The following CLIP1 variants were observed in gnomAD, a reference collection of about 807,000 sequenced individuals.
CLIP1 encodes CAP-Gly domain-containing linker protein 1.
CLIP1 carries 66 observed loss-of-function variants against 161.6 expected under a neutral mutation model. That is an observed-to-expected ratio of 0.41 (90% CI 0.33 to 0.50). CLIP1 has a LOEUF of 0.50. Ranked by LOEUF, CLIP1 falls within the 20% of genes least tolerant of loss-of-function variation. The pLI is 0.27. For synonymous variants in CLIP1, 598 were observed against 626.2 expected (o/e 0.96, Z 0.67); for missense variants, 1,376 against 1,702.0 (o/e 0.81, Z 3.37).
At chr12:122,294,926 C>A (rs879628824) in intron 20 of CLIP1, among the ~76,000 whole-genome samples, 2 of 151,624 alleles carry the variant, frequency 1.3e-5, no homozygotes, top group Admixed American at 6.6e-5. Context: ...TGGTGGCATG[C>A]ACCTCTATAA....
rs764059907 is a variant in CLIP1 at position 122,332,966 on chromosome 12, CTT to C, written c.2867+19_2867+20del. The C allele has an allele frequency of 2.2e-5, 36 of 1,606,946 alleles. No homozygotes were observed. In the Admixed American group the frequency reaches 5.1e-4, roughly 23 times the overall value. Reference sequence around the variant, plus strand: ...CAGAGCCTAACCTAAGGTCAGCACTCTTTTCAACAGTCACATATACCTTTCTT... The same window carrying C: ...CAGAGCCTAACCTAAGGTCAGCACTCTTCAACAGTCACATATACCTTTCTT... On this transcript the variant is annotated intron_variant, in intron 15 of 25. Coordinates refer to ENST00000620786, the MANE Select transcript of CLIP1 (RefSeq NM_001247997.2).
intron 10 of CLIP1, chr12:122,343,489 A>C (rs185779461): frequency 6.8e-4 from 103 of 152,290 alleles, no homozygotes; most frequent in African/African-American, 2.4e-3. Flanking sequence ...GCAATAATAC[A>C]CAAGAATCTT....
chr12:122,390,462 C>T (rs900654919), intron 1 of CLIP1, among the ~76,000 whole-genome samples: 1 of 151,284 alleles, frequency 6.6e-6, no homozygotes, highest in East Asian at 1.9e-4. Flanking sequence ...CAGGTATGCG[C>T]CACCACGCCC....
At chr12:122,329,400 G>C (rs1020762334) in intron 15 of CLIP1, among the ~76,000 whole-genome samples, 2 of 151,988 alleles carry the variant, frequency 1.3e-5, no homozygotes, top group East Asian at 3.9e-4. Context: ...AGGCCGATGG[G>C]GGGGCGGATC....
At chr12:122,299,645 G>A (rs144176052) in intron 20 of CLIP1, among the ~76,000 whole-genome samples, 2,659 of 88,344 alleles carry the variant, frequency 0.03, 83 homozygotes, top group African/African-American at 0.14. Flanking sequence ...TGCCGGGCGC[G>A]GTGGCTCATG....
At chr12:122,347,311 G>A in intron 10 of CLIP1, 64 bp downstream of exon 10, 1 of 1,205,868 alleles carries the variant, frequency 8.3e-7, no homozygotes, top group Admixed American at 1.7e-5. Flanking sequence ...TATAAAGCAT[G>A]TCACCTGAGG....
chr12:122,399,847 A>G (rs1025584912), intron 1 of CLIP1: 1 of 152,198 alleles, frequency 6.6e-6, no homozygotes, highest in Non-Finnish European at 1.5e-5. Context: ...ATGTCCATGA[A>G]CTTAATAACA....
intron 20 of CLIP1, among the ~76,000 whole-genome samples, chr12:122,298,292 T>C (rs1950549638): frequency 6.6e-6 from 1 of 152,176 alleles, no homozygotes; most frequent in Non-Finnish European, 1.5e-5. Flanking sequence ...GATATGAATA[T>C]GTACATGAAT....
At position 122,397,492 on chromosome 12, in the gene CLIP1, G is replaced by A. The variant is rs139865997; in HGVS notation, c.-106-16934C>T. On this transcript the variant is annotated intron_variant, in intron 1 of 25. Coordinates refer to ENST00000620786, the MANE Select transcript of CLIP1 (RefSeq NM_001247997.2). ...GTGCACGCCTGTAATCTCAGAGGTT[G>A]CAGTGAGCCAAGATCACACCACTGC... 8.2e-4 allele frequency among the ~76,000 whole-genome samples: 111 copies of A among 134,792 alleles called. 1 individual carries two copies. The highest frequency in any genetic ancestry group is 4.5e-3 in the Middle Eastern group (1 of 224). The allele number at this position is 134,792 out of a possible 152,430, so 88.4% of individuals were successfully genotyped here. A position where few individuals can be genotyped will look rare whatever the true frequency, so the allele number is the denominator to read the frequency against.
intron 3 of CLIP1, among the ~76,000 whole-genome samples, chr12:122,376,420 G>T (rs1193766153): frequency 1.3e-5 from 2 of 152,072 alleles, no homozygotes; most frequent in African/African-American, 4.8e-5. Flanking sequence ...GTCATGTGGA[G>T]ACTGGAGTTT....
At chr12:122,365,182 A>G in intron 3 of CLIP1, 1 of 438,480 alleles carries the variant, frequency 2.3e-6, no homozygotes, top group Non-Finnish European at 4.0e-6. Flanking sequence ...ACATGTATAC[A>G]TATGTAACTA....
intron 5 of CLIP1, among the ~76,000 whole-genome samples, chr12:122,356,628 CTCTCCCTCTCCCCACGG>C (rs1411441165): frequency 1.1e-4 from 17 of 151,516 alleles, no homozygotes; most frequent in Non-Finnish European, 1.6e-4. Flanking sequence ...CCCTCTCTCC[CTCTCCCTCTCCCCACGG>C]TCTCCCTCTC....
intron 20 of CLIP1, among the ~76,000 whole-genome samples, chr12:122,300,085 C>T (rs1414118886): frequency 6.6e-6 from 1 of 152,150 alleles, no homozygotes; most frequent in African/African-American, 2.4e-5. Context: ...TAGCGAGACC[C>T]TTCTCTACCA....
chr12:122,349,089 G>T (rs1952892872), intron 9 of CLIP1, among the ~76,000 whole-genome samples: 2 of 152,054 alleles, frequency 1.3e-5, no homozygotes, highest in African/African-American at 4.8e-5. Flanking sequence ...TAATCCCCTT[G>T]GTCTGTATGT....
intron 20 of CLIP1, among the ~76,000 whole-genome samples, chr12:122,292,969 G>C (rs578009994): frequency 3.6e-4 from 48 of 134,666 alleles, no homozygotes; most frequent in Admixed American, 1.3e-3. Flanking sequence ...CACCACTGCA[G>C]TCCAGCCTGG....
intron 17 of CLIP1, chr12:122,322,048 C>T (rs570727549): frequency 2.0e-5 from 3 of 152,586 alleles, no homozygotes; most frequent in Non-Finnish European, 2.9e-5. Flanking sequence ...TGACCTACAC[C>T]ACTTGAGTTA....
chr12:122,401,157 C>T lies in CLIP1; in HGVS notation c.-106-20599G>A, dbSNP rs544567589. Among the ~76,000 whole-genome samples, 8 of 152,226 alleles carry T rather than the reference C, an allele frequency of 5.3e-5. No individual in the cohort carries two copies. The East Asian group carries it at 5.8e-4, about 11-fold the overall frequency. ...AACTCCCGACCTCAGGTGATCCGCCCGTCTTGGCCTCCCAAAGTGCTGGGA... is the reference window on the plus strand; with the variant it reads ...AACTCCCGACCTCAGGTGATCCGCCTGTCTTGGCCTCCCAAAGTGCTGGGA... On this transcript the variant is annotated intron_variant, in intron 1 of 25. Transcript: ENST00000620786.
At chr12:122,364,189 AC>A in intron 3 of CLIP1, 82 bp from the exon 4 acceptor site, 2 of 1,502,174 alleles carry the variant, frequency 1.3e-6, no homozygotes, top group South Asian at 2.3e-5. Context: ...GTAACTAGGT[AC>A]TACATTCCAT....
intron 17 of CLIP1, among the ~76,000 whole-genome samples, chr12:122,325,719 T>C (rs920609079): frequency 6.6e-6 from 1 of 152,198 alleles, no homozygotes; most frequent in Non-Finnish European, 1.5e-5. Flanking sequence ...AGTGGCACCA[T>C]CTCAGCTCAC....
Sources: allele counts gnomAD v4.1 joint callset (sites outside exome capture counted in the v4.1 genomes callset), GRCh38; gene constraint gnomAD v4.1.1; transcripts MANE v1.5; gene names NCBI Gene and HGNC (gene_info 2026-07-23, HGNC 2026-07-21).